DRC11: variants seen among roughly 807,000 people sequenced by gnomAD.
DRC11 encodes the protein IQ and AAA domain-containing protein 1.
At chr2:236,440,369 T>C in the DRC11 span, among the ~76,000 whole-genome samples, 1 of 152,210 alleles carries the variant, frequency 6.6e-6, no homozygotes, top group African/African-American at 2.4e-5. Context: ...CCCTTATTGA[T>C]TTTCATTTTG....
chr2:236,440,748 G>A, the DRC11 span, among the ~76,000 whole-genome samples: 1 of 152,052 alleles, frequency 6.6e-6, no homozygotes, highest in African/African-American at 2.4e-5. Flanking sequence ...AGGGGAGAGG[G>A]AAGCTGGGAC....
At chr2:236,453,698 G>A in the DRC11 span, among the ~76,000 whole-genome samples, 1 of 151,784 alleles carries the variant, frequency 6.6e-6, no homozygotes, top group African/African-American at 2.4e-5. This position sits in a 1 kb window ranked among gnomAD's most constrained non-coding sequence, Gnocchi z 4.9. Context: ...GGGGTGCAGT[G>A]GTGCAATCTC....
At chr2:236,327,130 C>G in the DRC11 span, among the ~76,000 whole-genome samples, 2 of 152,214 alleles carry the variant, frequency 1.3e-5, no homozygotes, top group Non-Finnish European at 2.9e-5. Flanking sequence ...AACTCAAATA[C>G]AGAACCAGGT....
the DRC11 span, among the ~76,000 whole-genome samples, chr2:236,364,664 T>C: frequency 1.3e-5 from 2 of 152,118 alleles, no homozygotes; most frequent in Non-Finnish European, 2.9e-5. Context: ...GTATTCTCCA[T>C]TGCAGAGAAC....
At chr2:236,503,765 C>G in the DRC11 span, 3 of 1,420,140 alleles carry the variant, frequency 2.1e-6, no homozygotes, top group Non-Finnish European at 2.9e-6. The surrounding 1 kb of genome is among the most constrained non-coding windows in gnomAD (Gnocchi z 4.9). Flanking sequence ...CACACTGGAC[C>G]GCCAGGGACC....
chr2:236,421,940 G>T, the DRC11 span, among the ~76,000 whole-genome samples: 8 of 152,106 alleles, frequency 5.3e-5, no homozygotes, highest in Non-Finnish European at 8.8e-5. Flanking sequence ...CATATAAACA[G>T]AACCAATGAC....
chr2:236,308,246 G>A, the DRC11 span, among the ~76,000 whole-genome samples: 1 of 152,242 alleles, frequency 6.6e-6, no homozygotes, highest in African/African-American at 2.4e-5. This position sits in a 1 kb window ranked among gnomAD's most constrained non-coding sequence, Gnocchi z 6.0. Flanking sequence ...GAACACACCT[G>A]CCTTTGGGCA....
At chr2:236,409,653 G>T in the DRC11 span, among the ~76,000 whole-genome samples, 14 of 152,164 alleles carry the variant, frequency 9.2e-5, no homozygotes, top group East Asian at 7.7e-4. Context: ...ATGTTGAATA[G>T]GAGTGGTGAG....
the DRC11 span, chr2:236,408,272 G>A: frequency 1.6e-5 from 14 of 856,724 alleles, no homozygotes; most frequent in South Asian, 7.9e-5. The surrounding 1 kb of genome is among the most constrained non-coding windows in gnomAD (Gnocchi z 5.5). Context: ...TGCCCAGCAC[G>A]TGCCACAGAG....
the DRC11 span, among the ~76,000 whole-genome samples, chr2:236,431,543 T>A: frequency 0.028 from 4,338 of 152,272 alleles, 202 homozygotes; most frequent in African/African-American, 0.098. This position sits in a 1 kb window ranked among gnomAD's most constrained non-coding sequence, Gnocchi z 4.2. Flanking sequence ...TGGGAACTGG[T>A]ATTCAAGTTG....
the DRC11 span, among the ~76,000 whole-genome samples, chr2:236,345,148 G>A: frequency 4.5e-4 from 66 of 146,300 alleles, no homozygotes; most frequent in African/African-American, 6.9e-4. Flanking sequence ...TTGTAAATGC[G>A]CTTCCCTCTG....
chr2:236,358,001 T>C, the DRC11 span, among the ~76,000 whole-genome samples: 1 of 115,306 alleles, frequency 8.7e-6, no homozygotes, highest in South Asian at 2.7e-4. Flanking sequence ...TATATGAATA[T>C]ATATTTATAA....
chr2:236,503,241 A>G, the DRC11 span, among the ~76,000 whole-genome samples: 1 of 152,148 alleles, frequency 6.6e-6, no homozygotes, highest in African/African-American at 2.4e-5. The surrounding 1 kb of genome is among the most constrained non-coding windows in gnomAD (Gnocchi z 4.9). Context: ...CAACAACAGC[A>G]AGAGATCTCG....
chr2:236,457,201 T>C, the DRC11 span, among the ~76,000 whole-genome samples: 34 of 152,306 alleles, frequency 2.2e-4, no homozygotes, highest in East Asian at 6.4e-3. This position sits in a 1 kb window ranked among gnomAD's most constrained non-coding sequence, Gnocchi z 4.7. Flanking sequence ...CTTTGTCCAA[T>C]ATGGGAGCCA....
the DRC11 span, chr2:236,324,851 A>T: frequency 5.1e-6 from 6 of 1,176,706 alleles, no homozygotes; most frequent in South Asian, 8.2e-5. This position sits in a 1 kb window ranked among gnomAD's most constrained non-coding sequence, Gnocchi z 5.7. Context: ...TCTTAAAAAT[A>T]AAGAAAAGCC....
At chr2:236,406,700 G>A in the DRC11 span, among the ~76,000 whole-genome samples, 2 of 151,706 alleles carry the variant, frequency 1.3e-5, no homozygotes, top group Non-Finnish European at 2.9e-5. The surrounding 1 kb of genome is among the most constrained non-coding windows in gnomAD (Gnocchi z 4.7). Context: ...ACCAAACAAC[G>A]TGATAGCTTA....
the DRC11 span, among the ~76,000 whole-genome samples, chr2:236,342,103 G>A: frequency 5.3e-5 from 8 of 152,310 alleles, no homozygotes; most frequent in African/African-American, 1.4e-4. The surrounding 1 kb of genome is among the most constrained non-coding windows in gnomAD (Gnocchi z 5.8). Flanking sequence ...CTCACCCAAA[G>A]GCAGAGGGGC....
the DRC11 span, among the ~76,000 whole-genome samples, chr2:236,502,278 C>T: frequency 3.9e-5 from 6 of 151,922 alleles, no homozygotes; most frequent in Non-Finnish European, 7.4e-5. Context: ...AACAAAAATA[C>T]ATCAATTAGT....
At chr2:236,334,634 C>T in the DRC11 span, among the ~76,000 whole-genome samples, 2 of 152,158 alleles carry the variant, frequency 1.3e-5, no homozygotes, top group Admixed American at 1.3e-4. This position sits in a 1 kb window ranked among gnomAD's most constrained non-coding sequence, Gnocchi z 7.8. Flanking sequence ...CCTTCATCTG[C>T]TGTTGACATT....
Sources: gnomAD v4.1 joint callset for allele counts (sites outside exome capture counted in the v4.1 genomes callset) on GRCh38, gnomAD v4.1.1 for gene constraint, Gnocchi (gnomAD v3.1) non-coding constraint, MANE v1.5 for transcripts, NCBI Gene and HGNC (gene_info 2026-07-23, HGNC 2026-07-21) for gene names.